BCAS1: variants seen among roughly 807,000 people sequenced by gnomAD.
The protein encoded by BCAS1 is brain enriched myelin associated protein 1.
A neutral mutation model predicts 65.4 loss-of-function variants in BCAS1; 46 were observed. The ratio of observed to expected loss-of-function variants is 0.70; its 90% CI spans 0.55 to 0.90. BCAS1 has a LOEUF of 0.90. Ranked by LOEUF, BCAS1 falls within the 40% of genes least tolerant of loss-of-function variation. The probability of loss-of-function intolerance (pLI) is 0.00; values close to 1 mark genes in which losing one functional copy is unlikely to be tolerated. For synonymous variants in BCAS1, 298 were observed against 293.5 expected (o/e 1.02, Z -0.16); for missense variants, 793 against 771.2 (o/e 1.03, Z -0.33).
At chr20:53,993,840 C>T (rs1202626586) in intron 6 of BCAS1, among the ~76,000 whole-genome samples, 6 of 152,148 alleles carry the variant, frequency 3.9e-5, no homozygotes, top group Admixed American at 2.0e-4. Context: ...AGAAAATTCT[C>T]GAGGAAACCA....
intron 9 of BCAS1, among the ~76,000 whole-genome samples, chr20:53,970,803 G>A (rs2276508): frequency 0.022 from 3,274 of 152,128 alleles, 86 homozygotes; most frequent in East Asian, 0.1. Context: ...AATAGATTTC[G>A]TCCATTTAAA....
chr20:54,008,075 T>A (rs961333038), intron 4 of BCAS1, among the ~76,000 whole-genome samples: 1 of 152,186 alleles, frequency 6.6e-6, no homozygotes, highest in African/African-American at 2.4e-5. Context: ...AAGGGCAATC[T>A]GGCAAGACAG....
intron 6 of BCAS1, among the ~76,000 whole-genome samples, chr20:53,994,585 C>T (rs6097710): frequency 0.08 from 12,166 of 152,130 alleles, 1,591 homozygotes; most frequent in African/African-American, 0.28. Context: ...CAGCTTTCTT[C>T]TACTTTATTT....
At chr20:53,953,209 A>T (rs1387292430) in intron 12 of BCAS1, among the ~76,000 whole-genome samples, 1 of 152,188 alleles carries the variant, frequency 6.6e-6, no homozygotes, top group Non-Finnish European at 1.5e-5. Context: ...ATGAACAGAT[A>T]AAAAATCTGG....
intron 9 of BCAS1, among the ~76,000 whole-genome samples, chr20:53,973,892 T>C (rs190008812): frequency 9.9e-5 from 15 of 152,244 alleles, no homozygotes; most frequent in Middle Eastern, 3.4e-3. Flanking sequence ...CTGGGTCGAG[T>C]GGAGACTTGG....
intron 12 of BCAS1, among the ~76,000 whole-genome samples, chr20:53,946,235 C>A (rs1209774958): frequency 6.6e-6 from 1 of 152,042 alleles, no homozygotes; most frequent in African/African-American, 2.4e-5. Flanking sequence ...TCTGTCCCCC[C>A]TCAGATCTTT....
At chr20:53,981,438 C>T (rs576207009) in intron 8 of BCAS1, among the ~76,000 whole-genome samples, 4 of 152,188 alleles carry the variant, frequency 2.6e-5, no homozygotes, top group African/African-American at 7.2e-5. Flanking sequence ...TCTAAACAAC[C>T]GTAGCATTTG....
intron 8 of BCAS1, among the ~76,000 whole-genome samples, chr20:53,981,629 A>G (rs1235831027): frequency 1.3e-5 from 2 of 151,938 alleles, no homozygotes; most frequent in Non-Finnish European, 2.9e-5. Context: ...CTGAGGCTCA[A>G]GAGTTTAAGT....
At chr20:54,004,453 T>G (rs184550566) in intron 4 of BCAS1, among the ~76,000 whole-genome samples, 44 of 152,344 alleles carry the variant, frequency 2.9e-4, no homozygotes, top group Middle Eastern at 3.4e-3. Flanking sequence ...TTTCATATTA[T>G]GGATATTTTT....
intron 9 of BCAS1, among the ~76,000 whole-genome samples, chr20:53,972,860 G>A (rs947176557): frequency 6.6e-6 from 1 of 152,172 alleles, no homozygotes; most frequent in Non-Finnish European, 1.5e-5. Flanking sequence ...GGCTCAAGAG[G>A]TGTGGCCTGA....
intron 3 of BCAS1, among the ~76,000 whole-genome samples, chr20:54,051,414 T>C (rs780084322): frequency 1.2e-4 from 19 of 152,292 alleles, no homozygotes; most frequent in South Asian, 2.1e-4. Context: ...ACCACATGTA[T>C]TGGGGGGAGG....
At chr20:54,061,679 C>A (rs1250093810) in intron 1 of BCAS1, among the ~76,000 whole-genome samples, 1 of 152,142 alleles carries the variant, frequency 6.6e-6, no homozygotes, top group African/African-American at 2.4e-5. Flanking sequence ...AATACATAAC[C>A]AAATCTGGGG....
intron 12 of BCAS1, among the ~76,000 whole-genome samples, chr20:53,948,611 C>G (rs963247380): frequency 2.6e-5 from 4 of 152,194 alleles, no homozygotes; most frequent in Non-Finnish European, 4.4e-5. Context: ...TGGGACTCCA[C>G]CTTGGAGGCC....
chr20:53,996,461 TAAAAAAA>T (rs143929524), intron 4 of BCAS1, among the ~76,000 whole-genome samples: 2 of 92,208 alleles, frequency 2.2e-5, no homozygotes, highest in East Asian at 7.5e-4. Flanking sequence ...TTATATCAAC[TAAAAAAA>T]AAAAAAAAAA....
chr20:54,005,335 G>A (rs372119185), intron 4 of BCAS1, among the ~76,000 whole-genome samples: 20 of 40,930 alleles, frequency 4.9e-4, no homozygotes, highest in South Asian at 2.1e-3. Context: ...AAACAAAACA[G>A]AAATTAGCCA....
At chr20:54,028,299 G>T in intron 4 of BCAS1, 93 bp downstream of exon 4, 2 of 1,352,102 alleles carry the variant, frequency 1.5e-6, no homozygotes, top group Non-Finnish European at 2.1e-6. Context: ...CCTTGCCTAG[G>T]CCCAGGGTGA....
chr20:54,039,337 A>T (rs1414491195), intron 3 of BCAS1, among the ~76,000 whole-genome samples: 2 of 151,464 alleles, frequency 1.3e-5, no homozygotes. Context: ...ATAAAAGAAA[A>T]GGATGGGATT....
At chr20:54,019,006 C>T (rs1261703758) in intron 4 of BCAS1, among the ~76,000 whole-genome samples, 1 of 152,104 alleles carries the variant, frequency 6.6e-6, no homozygotes, top group Non-Finnish European at 1.5e-5. Context: ...TTTAAAATAT[C>T]ATCAACTTTG....
rs2089250378 is a variant in BCAS1 at position 53,944,656 on chromosome 20, T to C, written c.*266A>G. On this transcript the variant is annotated 3_prime_UTR_variant, in exon 13 of 13. Transcript: ENST00000688948. ...AACCCGAACACATTCCTCTATTCCC[T>C]CCCTTTCCTGCTTGGTGATCATCGA... 2 of 434,412 alleles carry C rather than the reference T, an allele frequency of 4.6e-6. No individual in the cohort carries two copies. Among genetic ancestry groups the C allele is most frequent in the East Asian group, 8.8e-5 (2 of 22,718 alleles). The allele number at this position is 434,412 out of a possible 1,614,324, so 26.9% of individuals were successfully genotyped here.
Sources: gnomAD v4.1 joint callset for allele counts (sites outside exome capture counted in the v4.1 genomes callset) on GRCh38, gnomAD v4.1.1 for gene constraint, MANE v1.5 for transcripts, NCBI Gene and HGNC (gene_info 2026-07-23, HGNC 2026-07-21) for gene names.